Variants in CEP57L1 observed in about 807,000 individuals in gnomAD.
CEP57L1 encodes the protein centrosomal protein 57 like 1.
Under a neutral mutation model 61.0 loss-of-function variants are expected in CEP57L1, and 37 were observed. The observed-to-expected ratio is 0.61, with a 90% CI of 0.47 to 0.80. CEP57L1 has a LOEUF of 0.80. Among genes scored for constraint, CEP57L1 ranks in the 30% least tolerant of loss-of-function variants. The probability of loss-of-function intolerance (pLI) is 0.00; values close to 1 mark genes in which losing one functional copy is unlikely to be tolerated. For synonymous variants in CEP57L1, 137 were observed against 162.3 expected, an observed-to-expected ratio of 0.84 and a Z score of 1.19; for missense variants, 422 against 524.7, an observed-to-expected ratio of 0.80 and a Z score of 1.91.
intron 1 of CEP57L1, among the ~76,000 whole-genome samples, chr6:109,120,350 T>C (rs1772805479): frequency 6.6e-6 from 1 of 152,194 alleles, no homozygotes; most frequent in Non-Finnish European, 1.5e-5. Context: ...TTCTAGAATC[T>C]GATGAACCTT....
At chr6:109,125,133 A>G (rs1773396185) in intron 1 of CEP57L1, 1 of 152,218 alleles carries the variant, frequency 6.6e-6, no homozygotes, top group Non-Finnish European at 1.5e-5. Flanking sequence ...CAATACAAGT[A>G]TCACACGGGG....
intron 1 of CEP57L1, among the ~76,000 whole-genome samples, chr6:109,127,673 T>G (rs1267402067): frequency 6.6e-6 from 1 of 152,014 alleles, no homozygotes. Flanking sequence ...CAGGCTGGAG[T>G]GCAGTGGCGC....
In CEP57L1 at chr6:109,131,692, T is replaced by A. The variant is rs189102563; in HGVS notation, c.-3-13527T>A. ...TGCTGGATAAAATACTTAAAAAAAA[T>A]TTTTTTAAGTATGCTTGAGTTGACA... On this transcript the variant is annotated intron_variant, in intron 1 of 10. Transcript: ENST00000517392. 2.1e-3 allele frequency among the ~76,000 whole-genome samples: 314 copies of A among 149,244 alleles called. 1 individual carries two copies. The highest frequency in any genetic ancestry group is 7.6e-3 in the African/African-American group (298 of 39,064).
chr6:109,102,195 G>A (rs901892626), intron 1 of CEP57L1, among the ~76,000 whole-genome samples: 9 of 152,018 alleles, frequency 5.9e-5, no homozygotes, highest in Admixed American at 2.0e-4. Flanking sequence ...TATTATTACT[G>A]TTGAGTGTTT....
intron 7 of CEP57L1, chr6:109,158,662 A>G (rs2114950930): frequency 2.1e-6 from 1 of 468,772 alleles, no homozygotes. Flanking sequence ...TTTTATAAGA[A>G]ACTGCCAAAC....
At chr6:109,099,990 G>A (rs1443669456) in intron 1 of CEP57L1, among the ~76,000 whole-genome samples, 2 of 152,140 alleles carry the variant, frequency 1.3e-5, no homozygotes, top group East Asian at 3.8e-4. Context: ...TTTTCTCAGA[G>A]GTGTCCCTGA....
intron 1 of CEP57L1, among the ~76,000 whole-genome samples, chr6:109,138,729 A>G (rs141426172): frequency 1.3e-5 from 2 of 152,310 alleles, no homozygotes; most frequent in Admixed American, 6.5e-5. Context: ...TTCTTTTAAG[A>G]TAAGTATGAC....
rs1230568713 is a variant in CEP57L1, at chr6:109,171,858, A to C, written c.*8888A>C. On this transcript the variant is annotated 3_prime_UTR_variant, in exon 11 of 11. Transcript: ENST00000517392. ...CATTGCCAAGACCAGGGATATAGTT[A>C]TTAGTAATTTACAGGAAAGGCTCAA... is the stretch of plus-strand genomic sequence containing the variant. Among the ~76,000 whole-genome samples, 1 of 152,166 alleles carries C rather than the reference A, an allele frequency of 6.6e-6. No individual in the cohort carries two copies. Among genetic ancestry groups the C allele is most frequent in the Non-Finnish European group, 1.5e-5 (1 of 68,034 alleles).
chr6:109,144,326 G>A (rs994190441), intron 1 of CEP57L1, among the ~76,000 whole-genome samples: 1 of 152,048 alleles, frequency 6.6e-6, no homozygotes, highest in Non-Finnish European at 1.5e-5. Context: ...AATCAAAATA[G>A]GCTAATGTTA....
chr6:109,158,973 A>T, intron 7 of CEP57L1, 52 bp from the exon 8 acceptor site: 1 of 1,552,352 alleles, frequency 6.4e-7, no homozygotes, highest in Non-Finnish European at 8.8e-7. Context: ...TCATATCGTA[A>T]ATAACTTTTA....
At chr6:109,146,195 A>G (rs1368984368) in intron 2 of CEP57L1, among the ~76,000 whole-genome samples, 3 of 151,970 alleles carry the variant, frequency 2.0e-5, no homozygotes, top group Admixed American at 6.6e-5. Flanking sequence ...ATAGTTGAAT[A>G]TAAGTCACAG....
chr6:109,147,003 C>G, intron 3 of CEP57L1, 66 bp downstream of exon 3: 8 of 1,296,838 alleles, frequency 6.2e-6, no homozygotes, highest in Non-Finnish European at 7.5e-6. Flanking sequence ...AATAATAAAC[C>G]TAGTCTAAGC....
intron 1 of CEP57L1, among the ~76,000 whole-genome samples, chr6:109,138,969 A>T (rs1169565608): frequency 6.6e-6 from 1 of 152,130 alleles, no homozygotes; most frequent in Non-Finnish European, 1.5e-5. Flanking sequence ...TTTTCTTATG[A>T]AGTCATGAAC....
At chr6:109,107,431 A>C (rs746066520) in intron 1 of CEP57L1, among the ~76,000 whole-genome samples, 6 of 152,160 alleles carry the variant, frequency 3.9e-5, no homozygotes, top group African/African-American at 7.2e-5. Context: ...TAATTTTATA[A>C]GTTGCTTAAT....
chr6:109,143,903 C>T lies in CEP57L1; in HGVS notation c.-3-1316C>T, dbSNP rs553127292. On this transcript the variant is annotated intron_variant, in intron 1 of 10. Transcript: ENST00000517392. Reference sequence around the variant, plus strand: ...CTTACCTCTCTCTGAAGATGTACAACCATCTTCAGGATTTACGTACTTTAG... The same window carrying T: ...CTTACCTCTCTCTGAAGATGTACAATCATCTTCAGGATTTACGTACTTTAG... Among the ~76,000 whole-genome samples the T allele has an allele frequency of 3.3e-5, 5 of 152,234 alleles. No homozygotes were observed. In the East Asian group the frequency reaches 9.7e-4, roughly 29 times the overall value.
At chr6:109,129,217 A>T (rs920993337) in intron 1 of CEP57L1, 19 of 440,594 alleles carry the variant, frequency 4.3e-5, no homozygotes, top group African/African-American at 3.7e-4. Context: ...AAACCAAAAA[A>T]ACTAACTGGA....
At chr6:109,113,476 A>G (rs1467569926) in intron 1 of CEP57L1, among the ~76,000 whole-genome samples, 4 of 152,156 alleles carry the variant, frequency 2.6e-5, no homozygotes, top group Non-Finnish European at 4.4e-5. Context: ...AGCCACCTAT[A>G]CAGGATACCC....
At chr6:109,150,054 G>A in intron 3 of CEP57L1, 64 bp from the exon 4 acceptor site, 3 of 971,482 alleles carry the variant, frequency 3.1e-6, no homozygotes, top group Non-Finnish European at 4.8e-6. Flanking sequence ...ATACAATCAT[G>A]TCATCTGCAA....
chr6:109,137,370 C>T (rs959989933), intron 1 of CEP57L1, among the ~76,000 whole-genome samples: 2 of 152,034 alleles, frequency 1.3e-5, no homozygotes, highest in Admixed American at 6.6e-5. Context: ...GGCCCCATCT[C>T]GGCTCACTGC....
Sources: allele counts gnomAD v4.1 joint callset (sites outside exome capture counted in the v4.1 genomes callset), GRCh38; gene constraint gnomAD v4.1.1; transcripts MANE v1.5; gene names NCBI Gene and HGNC (gene_info 2026-07-23, HGNC 2026-07-21).